Variants in CUX2 observed in about 807,000 individuals in gnomAD.
CUX2 encodes cut like homeobox 2, also known as homeobox protein cut-like 2.
In CUX2, 40 loss-of-function variants were observed where a neutral mutation model predicts 144.8. The ratio of observed to expected loss-of-function variants is 0.28; its 90% confidence interval spans 0.21 to 0.36. CUX2 has a LOEUF of 0.36. CUX2 is among the 10% of genes least tolerant of loss of function. CUX2 has a pLI of 1.00. For synonymous variants in CUX2, 827 were observed against 875.6 expected (o/e 0.94, Z 0.98); for missense variants, 1,615 against 1,994.0 (o/e 0.81, Z 3.62).
At chr12:111,133,148 C>T (rs1181694904) in intron 1 of CUX2, among the ~76,000 whole-genome samples, 1 of 152,150 alleles carries the variant, frequency 6.6e-6, no homozygotes, top group Non-Finnish European at 1.5e-5. Context: ...AGCCATTCAA[C>T]AAGTCTCTAG....
At position 111,049,217 on chromosome 12, in the gene CUX2, T is replaced by TCATC. The variant is rs539615185; in HGVS notation, c.63+14992_63+14995dup. Among the ~76,000 whole-genome samples the TCATC allele has an allele frequency of 2.6e-3, 393 of 151,392 alleles. 2 individuals are homozygous for TCATC. Among genetic ancestry groups the TCATC allele is most frequent in the Middle Eastern group, 0.01 (3 of 292 alleles). On this transcript the variant is annotated intron_variant, in intron 1 of 21. Transcript: ENST00000261726. ...TCCATGAATTCATCCATCCACGAATTCATCCATCCATCCATCCACCCATCC... is the reference window on the plus strand; with the variant it reads ...TCCATGAATTCATCCATCCACGAATTCATCCATCCATCCATCCATCCACCCATCC...
chr12:111,304,050 G>T lies in CUX2; in HGVS notation c.754-160G>T. ...GTCCCCAGCCCAGACAGGGCTCTGT[G>T]ACTGGTCTTCATAGCTCCAGGACAG... On this transcript the variant is annotated intron_variant, in intron 9 of 21. Transcript: ENST00000261726. The surrounding 1 kb of genome is among the most constrained non-coding windows in gnomAD (Gnocchi z 4.7). The T allele has an allele frequency of 5.1e-6, 3 of 593,462 alleles. No individual in the cohort carries two copies. The highest frequency in any genetic ancestry group is 9.1e-6 in the Non-Finnish European group (3 of 331,466). The allele number at this position is 593,462 out of a possible 1,614,324, so 36.8% of individuals were successfully genotyped here. A position where few individuals can be genotyped will look rare whatever the true frequency, so the allele number is the denominator to read the frequency against.
rs990343157 is a variant in CUX2 at position 111,293,025 on chromosome 12, A to T, written c.437-421A>T. 2.6e-5 allele frequency among the ~76,000 whole-genome samples: 4 copies of T among 152,140 alleles called. No homozygotes were observed. The highest frequency in any genetic ancestry group is 5.9e-5 in the Non-Finnish European group (4 of 68,044). On this transcript the variant is annotated intron_variant, in intron 5 of 21. Coordinates refer to ENST00000261726, the MANE Select transcript of CUX2 (RefSeq NM_015267.4). This position sits in a 1 kb window ranked among gnomAD's most constrained non-coding sequence, Gnocchi z 4.5. The stretch of plus-strand genomic sequence containing the variant: ...ATAATCCCAGGTACTCGGGAGGCTG[A>T]GGCGGGAGAATCGCTTGAACCCAGG...
intron 16 of CUX2, among the ~76,000 whole-genome samples, chr12:111,318,617 C>G (rs1592960800): frequency 6.6e-6 from 1 of 151,032 alleles, no homozygotes; most frequent in East Asian, 2.0e-4. Context: ...AAAAAAGATT[C>G]ATATCTGATT....
In CUX2 at chr12:111,178,403, C is replaced by G. The variant is rs916683; in HGVS notation, c.64-35797C>G. On this transcript the variant is annotated intron_variant, in intron 1 of 21. Coordinates refer to ENST00000261726, the MANE Select transcript of CUX2 (RefSeq NM_015267.4). This position sits in a 1 kb window ranked among gnomAD's most constrained non-coding sequence, Gnocchi z 5.7. ...CTGGCAGGAATATAATTTGCTGTCA[C>G]GTTGACAAGTCCAGCCCTCTGACTG... Among the ~76,000 whole-genome samples the G allele has an allele frequency of 0.32, 48,900 of 152,078 alleles. 11,377 individuals carry two copies. The highest frequency in any genetic ancestry group is 0.65 in the African/African-American group (26,788 of 41,462).
At chr12:111,331,896 A>G (rs1328254854) in intron 18 of CUX2, among the ~76,000 whole-genome samples, 4 of 152,052 alleles carry the variant, frequency 2.6e-5, no homozygotes, top group East Asian at 3.9e-4. Context: ...CCTGGCCAAT[A>G]TGGCGAAACC....
intron 1 of CUX2, among the ~76,000 whole-genome samples, chr12:111,079,610 C>T (rs1009445617): frequency 1.5e-4 from 23 of 152,118 alleles, no homozygotes; most frequent in African/African-American, 4.6e-4. Context: ...TTTCCTGGCA[C>T]GAGTAGTGAT....
intron 3 of CUX2, among the ~76,000 whole-genome samples, chr12:111,243,496 CTTTTTTTTTTTT>C (rs761276935): frequency 2.5e-4 from 20 of 80,028 alleles, no homozygotes; most frequent in Non-Finnish European, 1.3e-4. Flanking sequence ...GTTGATGTGC[CTTTTTTTTTTTT>C]TTTTTTTTTT....
chr12:111,130,699 C>G (rs1875415669), intron 1 of CUX2, among the ~76,000 whole-genome samples: 1 of 152,234 alleles, frequency 6.6e-6, no homozygotes, highest in Non-Finnish European at 1.5e-5. Flanking sequence ...TCTACTGTCC[C>G]AGTCTTCAAT....
At chr12:111,321,051 GC>G (rs1431446836) in intron 17 of CUX2, among the ~76,000 whole-genome samples, 1 of 152,234 alleles carries the variant, frequency 6.6e-6, no homozygotes, top group Non-Finnish European at 1.5e-5. Flanking sequence ...GGGTTAAGTG[GC>G]AGGACTTGGT....
intron 1 of CUX2, among the ~76,000 whole-genome samples, chr12:111,043,052 C>CTGT (rs1260424081): frequency 6.6e-6 from 1 of 152,170 alleles, no homozygotes; most frequent in Non-Finnish European, 1.5e-5. Flanking sequence ...CACTCCAGAA[C>CTGT]TGTACATTCA....
intron 1 of CUX2, among the ~76,000 whole-genome samples, chr12:111,154,373 C>T (rs1877242797): frequency 6.6e-6 from 1 of 152,136 alleles, no homozygotes; most frequent in Admixed American, 6.5e-5. Flanking sequence ...GATTGTCATG[C>T]AGTCCACCAG....
chr12:111,098,053 C>A (rs1015474140), intron 1 of CUX2, among the ~76,000 whole-genome samples: 25 of 152,138 alleles, frequency 1.6e-4, no homozygotes, highest in African/African-American at 6.0e-4. Context: ...GATCCACTTA[C>A]CTTTTGCAAA....
At chr12:111,162,270 C>G (rs993969826) in intron 1 of CUX2, among the ~76,000 whole-genome samples, 4 of 152,242 alleles carry the variant, frequency 2.6e-5, no homozygotes, top group Non-Finnish European at 5.9e-5. Flanking sequence ...TTCCCCTACC[C>G]CAGCCCAAAG....
In CUX2 at chr12:111,350,294, T is replaced by A. The variant is rs1888998552; in HGVS notation, c.*1969T>A. On this transcript the variant is annotated 3_prime_UTR_variant, in exon 22 of 22. Coordinates refer to ENST00000261726, the MANE Select transcript of CUX2 (RefSeq NM_015267.4). ...ATCCAGGCTTATACGCAGACTCCGA[T>A]TCCTAGAGAACTAAATTTGGCTTTA... 1 of 152,506 alleles carries A rather than the reference T, an allele frequency of 6.6e-6. No individual in the cohort carries two copies. 9.4% of individuals were successfully genotyped at this position (152,506 alleles called of 1,614,324 possible).
At chr12:111,344,933 G>A (rs1026247882) in intron 21 of CUX2, among the ~76,000 whole-genome samples, 1 of 152,010 alleles carries the variant, frequency 6.6e-6, no homozygotes, top group African/African-American at 2.4e-5. Context: ...TGCCACTTTT[G>A]TTTCTTTTTT....
intron 1 of CUX2, among the ~76,000 whole-genome samples, chr12:111,137,504 T>C (rs1797319620): frequency 6.6e-6 from 1 of 152,126 alleles, no homozygotes; most frequent in South Asian, 2.1e-4. Flanking sequence ...ATAAACTTTA[T>C]TTATTTACTT....
At chr12:111,273,150 C>T (rs1884708426) in intron 4 of CUX2, among the ~76,000 whole-genome samples, 1 of 152,164 alleles carries the variant, frequency 6.6e-6, no homozygotes, top group Non-Finnish European at 1.5e-5. Flanking sequence ...AGAAAGCAGG[C>T]TTCAAGGAAG....
At chr12:111,336,459 T>TGTGTGTGTGTGTGTG (rs199709412) in intron 19 of CUX2, among the ~76,000 whole-genome samples, 2 of 146,528 alleles carry the variant, frequency 1.4e-5, no homozygotes, top group African/African-American at 5.2e-5. Context: ...TGTGTGTGTG[T>TGTGTGTGTGTGTGTG]TTAAGATGGA....
Sources: gnomAD v4.1 joint callset for allele counts (sites outside exome capture counted in the v4.1 genomes callset) on GRCh38, gnomAD v4.1.1 for gene constraint, Gnocchi (gnomAD v3.1) non-coding constraint, MANE v1.5 for transcripts, NCBI Gene and HGNC (gene_info 2026-07-23, HGNC 2026-07-21) for gene names.